AGTPBP1: variants seen among roughly 807,000 people sequenced by gnomAD.
The protein encoded by AGTPBP1 is cytosolic carboxypeptidase 1.
Under a neutral mutation model 143.9 loss-of-function variants are expected in AGTPBP1, and 70 were observed. That is an observed-to-expected ratio of 0.49 (90% confidence interval 0.40 to 0.59). The LOEUF is 0.59. AGTPBP1 is among the 20% of genes least tolerant of loss of function. AGTPBP1 has a pLI of 0.00. For missense variants in AGTPBP1, 1,229 were observed against 1,464.5 expected (o/e 0.84, Z 2.62); for synonymous variants, 463 against 500.2 (o/e 0.93, Z 0.99).
At chr9:85,715,098 T>A (rs1046117774) in intron 1 of AGTPBP1, among the ~76,000 whole-genome samples, 1 of 151,862 alleles carries the variant, frequency 6.6e-6, no homozygotes, top group Non-Finnish European at 1.5e-5. Context: ...AATACAAAAA[T>A]TAGCCTGGCC....
In AGTPBP1 at chr9:85,579,072, T is replaced by C. The variant is rs929473385; in HGVS notation, c.3190A>G (p.Ile1064Val). The C allele has an allele frequency of 1.2e-6, 2 of 1,606,548 alleles. No individual in the cohort carries two copies. Among genetic ancestry groups the C allele is most frequent in the African/African-American group, 2.7e-5 (2 of 74,386 alleles). Reference sequence around the variant, plus strand: ...CTGCTCATGCAAAATGCTGGGGCGATATGGCTCAGTATCTTAGGCAATGTC... The same window carrying C: ...CTGCTCATGCAAAATGCTGGGGCGACATGGCTCAGTATCTTAGGCAATGTC... ...YRTLPKILSH[I>V]APAFCMSSCS... Residue 1064 changes from isoleucine (I) to valine (V), a missense_variant, in exon 24 of 26, where the codon ATC becomes GTC. Transcript: ENST00000357081.
chr9:85,599,678 A>G (rs982135053), intron 17 of AGTPBP1, among the ~76,000 whole-genome samples: 3 of 152,228 alleles, frequency 2.0e-5, no homozygotes, highest in Non-Finnish European at 4.4e-5. Flanking sequence ...GAGATCAGAT[A>G]GCATATTTTC....
chr9:85,602,931 GAA>G (rs559092162), intron 17 of AGTPBP1, among the ~76,000 whole-genome samples: 8 of 152,318 alleles, frequency 5.3e-5, no homozygotes, highest in Non-Finnish European at 1.2e-4. Context: ...ACACTAGGCA[GAA>G]CTCAGCCGGT....
At chr9:85,675,174 G>A (rs1405060694) in intron 6 of AGTPBP1, among the ~76,000 whole-genome samples, 3 of 152,014 alleles carry the variant, frequency 2.0e-5, no homozygotes, top group Non-Finnish European at 4.4e-5. Context: ...GGGATTACAG[G>A]CATGAGACAC....
In AGTPBP1 at chr9:85,579,066, G is replaced by A; in HGVS notation, c.3196C>T (p.Pro1066Ser). The A allele has an allele frequency of 6.2e-7, 1 of 1,609,538 alleles. No individual in the cohort carries two copies. The highest frequency in any genetic ancestry group is 1.3e-5 in the African/African-American group (1 of 74,654). The part of the protein sequence containing the change: ...TLPKILSHIA[P>S]AFCMSSCSFV... Reference sequence around the variant, plus strand: ...CTACAGCTGCTCATGCAAAATGCTGGGGCGATATGGCTCAGTATCTTAGGC... The same window carrying A: ...CTACAGCTGCTCATGCAAAATGCTGAGGCGATATGGCTCAGTATCTTAGGC... Residue 1066 changes from proline to serine, a missense_variant, in exon 24 of 26, where the codon CCA becomes TCA. Pro to Ser is a moderately conservative substitution (Grantham distance 74). Transcript: ENST00000357081.
intron 19 of AGTPBP1, among the ~76,000 whole-genome samples, chr9:85,591,748 T>C (rs1828981337): frequency 6.6e-6 from 1 of 152,162 alleles, no homozygotes; most frequent in African/African-American, 2.4e-5. Context: ...TGATATCTCT[T>C]CTGCTCTACA....
intron 3 of AGTPBP1, 112 bp downstream of exon 3, chr9:85,692,577 A>C (rs1174525189): frequency 5.8e-6 from 8 of 1,390,434 alleles, no homozygotes; most frequent in Admixed American, 4.2e-5. Context: ...CCCGGCCTGA[A>C]AGTTCAATTT....
chr9:85,660,833 G>T, intron 9 of AGTPBP1, 103 bp downstream of exon 9: 1 of 921,156 alleles, frequency 1.1e-6, no homozygotes, highest in Non-Finnish European at 1.6e-6. Context: ...TTATAAACCA[G>T]CTTTATAACT....
At chr9:85,646,762 A>G (rs1337765905) in intron 11 of AGTPBP1, among the ~76,000 whole-genome samples, 1 of 146,994 alleles carries the variant, frequency 6.8e-6, no homozygotes, top group Non-Finnish European at 1.5e-5. Context: ...TTGACCCCCT[A>G]TTTGTTTCAA....
chr9:85,736,840 C>T (rs112168042), intron 1 of AGTPBP1, among the ~76,000 whole-genome samples: 110 of 152,358 alleles, frequency 7.2e-4, no homozygotes, highest in African/African-American at 2.6e-3. Context: ...CCAGCCATGG[C>T]TCACGCCTCT....
intron 8 of AGTPBP1, among the ~76,000 whole-genome samples, chr9:85,666,499 G>C (rs1284192626): frequency 6.6e-6 from 1 of 152,068 alleles, no homozygotes; most frequent in African/African-American, 2.4e-5. Flanking sequence ...AGCAAGTTTG[G>C]TCAATGAATG....
chr9:85,652,694 A>G (rs1048152072), intron 11 of AGTPBP1, among the ~76,000 whole-genome samples: 51 of 152,268 alleles, frequency 3.3e-4, no homozygotes, highest in African/African-American at 1.1e-3. Context: ...ACCCATAACC[A>G]TAAGTAGAGT....
At chr9:85,670,829 CTGTT>C (rs1834434668) in intron 7 of AGTPBP1, among the ~76,000 whole-genome samples, 1 of 152,194 alleles carries the variant, frequency 6.6e-6, no homozygotes, top group Non-Finnish European at 1.5e-5. Flanking sequence ...TTAATTTTCT[CTGTT>C]TATTACTCCG....
At chr9:85,687,719 T>G (rs1018404522) in intron 3 of AGTPBP1, among the ~76,000 whole-genome samples, 17 of 152,110 alleles carry the variant, frequency 1.1e-4, no homozygotes, top group Admixed American at 1.0e-3. Context: ...TAAAGCAGTG[T>G]TTACAGAAAA....
At chr9:85,554,563 A>C (rs1338105398) in intron 25 of AGTPBP1, among the ~76,000 whole-genome samples, 2 of 152,058 alleles carry the variant, frequency 1.3e-5, no homozygotes, top group Non-Finnish European at 2.9e-5. Flanking sequence ...ACATTTTGCA[A>C]CCCTACCTTA....
At chr9:85,746,216 A>T (rs1824578305), upstream of AGTPBP1, among the ~76,000 whole-genome samples, 1 of 152,070 alleles carries the variant, frequency 6.6e-6, no homozygotes. Flanking sequence ...TGCCTATAAA[A>T]TCTGCTGCGA....
At chr9:85,556,467 AACTT>A (rs1247084436) in intron 25 of AGTPBP1, among the ~76,000 whole-genome samples, 2 of 152,202 alleles carry the variant, frequency 1.3e-5, no homozygotes, top group African/African-American at 4.8e-5. Context: ...CAAATACAGT[AACTT>A]ACAAGCTCAG....
intron 2 of AGTPBP1, among the ~76,000 whole-genome samples, chr9:85,704,753 A>C (rs1457202975): frequency 2.0e-5 from 3 of 152,224 alleles, no homozygotes; most frequent in Admixed American, 2.0e-4. Context: ...ACAATCTATA[A>C]TGGGAACAAT....
intron 25 of AGTPBP1, among the ~76,000 whole-genome samples, chr9:85,555,664 T>C (rs1325462477): frequency 6.6e-6 from 1 of 152,120 alleles, no homozygotes; most frequent in Non-Finnish European, 1.5e-5. Flanking sequence ...TGCAGTGGCA[T>C]CTTTAAAGTG....
Sources: allele counts gnomAD v4.1 joint callset (sites outside exome capture counted in the v4.1 genomes callset), GRCh38; gene constraint gnomAD v4.1.1; transcripts MANE v1.5; gene names NCBI Gene and HGNC (gene_info 2026-07-23, HGNC 2026-07-21).